Variants in FBXL20 observed in about 807,000 individuals in gnomAD.
FBXL20 encodes the protein F-box and leucine rich repeat protein 20.
A neutral mutation model predicts 64.0 loss-of-function variants in FBXL20; 11 were observed. The ratio of observed to expected loss-of-function variants is 0.17; its 90% CI spans 0.11 to 0.28. The LOEUF (loss-of-function observed/expected upper bound fraction) is 0.28. FBXL20 is among the 10% of genes least tolerant of loss of function. The probability of loss-of-function intolerance (pLI) is 1.00; values close to 1 mark genes in which losing one functional copy is unlikely to be tolerated. For synonymous variants in FBXL20, 184 were observed against 189.0 expected (o/e 0.97, Z 0.22); for missense variants, 303 against 526.2 (o/e 0.58, Z 4.15).
chr17:39,378,504 A>G (rs2047991812), intron 1 of FBXL20, among the ~76,000 whole-genome samples: 1 of 152,220 alleles, frequency 6.6e-6, no homozygotes. Flanking sequence ...AAGGAGATAG[A>G]CAAAGCCAAC....
chr17:39,393,702 G>C (rs1283680993), intron 1 of FBXL20, among the ~76,000 whole-genome samples: 1 of 151,988 alleles, frequency 6.6e-6, no homozygotes, highest in Non-Finnish European at 1.5e-5. Flanking sequence ...ACATGATTAG[G>C]GTATAAGTAG....
intron 1 of FBXL20, among the ~76,000 whole-genome samples, chr17:39,388,612 TA>T (rs2048105501): frequency 6.7e-6 from 1 of 150,276 alleles, no homozygotes; most frequent in African/African-American, 2.4e-5. Flanking sequence ...GCCTCCCGAG[TA>T]GCTGGGACAA....
chr17:39,347,903 T>C (rs957555046), intron 1 of FBXL20, among the ~76,000 whole-genome samples: 1 of 152,172 alleles, frequency 6.6e-6, no homozygotes, highest in African/African-American at 2.4e-5. Flanking sequence ...TTCAGCTTTC[T>C]ACATATGGCA....
intron 2 of FBXL20, among the ~76,000 whole-genome samples, chr17:39,327,660 T>TA (rs993764870): frequency 6.6e-6 from 1 of 151,970 alleles, no homozygotes; most frequent in Admixed American, 6.6e-5. Context: ...AAGGAGACTT[T>TA]AAAAAAAATA....
chr17:39,397,103 A>G (rs1035023353), intron 1 of FBXL20, among the ~76,000 whole-genome samples: 3 of 152,018 alleles, frequency 2.0e-5, no homozygotes, highest in African/African-American at 7.2e-5. Context: ...ACAGGGTTTC[A>G]CCATGTTGGC....
In FBXL20 at chr17:39,348,391, C is replaced by T. The variant is rs180834445; in HGVS notation, c.43-5150G>A. On this transcript the variant is annotated intron_variant, in intron 1 of 14. Transcript: ENST00000264658. ...CAGGAGAATCCCTTGAACCTGGGAG[C>T]GGAGGTTGCAGTGAGCCGAGATCAT... Among the ~76,000 whole-genome samples the T allele has an allele frequency of 2.9e-4, 44 of 151,538 alleles. No individual in the cohort carries two copies. In the East Asian group the frequency reaches 7.8e-3, roughly 27 times the overall value.
At chr17:39,350,531 A>C (rs1597813144) in intron 1 of FBXL20, among the ~76,000 whole-genome samples, 1 of 151,882 alleles carries the variant, frequency 6.6e-6, no homozygotes, top group African/African-American at 2.4e-5. Context: ...AAAAAAAAAA[A>C]AAAACATAGC....
chr17:39,317,689 GTTTTTTTTTTTGTTT>G (rs2047308322), intron 2 of FBXL20, among the ~76,000 whole-genome samples: 1 of 47,136 alleles, frequency 2.1e-5, no homozygotes, highest in South Asian at 4.3e-4. Flanking sequence ...TTTTTTTTTT[GTTTTTTTTTTTGTTT>G]TTTTTTTTTT....
At chr17:39,305,188 TAA>T (rs764317448) in intron 2 of FBXL20, among the ~76,000 whole-genome samples, 1 of 152,106 alleles carries the variant, frequency 6.6e-6, no homozygotes, top group Non-Finnish European at 1.5e-5. Flanking sequence ...AAATATAAAT[TAA>T]AAAAAGTTAG....
chr17:39,278,522 G>A (rs951952757), intron 9 of FBXL20, among the ~76,000 whole-genome samples: 1 of 148,842 alleles, frequency 6.7e-6, no homozygotes, highest in Admixed American at 6.8e-5. Flanking sequence ...AACTGTGGTT[G>A]ATCTCTCAGG....
intron 9 of FBXL20, among the ~76,000 whole-genome samples, chr17:39,276,465 T>C (rs576420342): frequency 1.3e-5 from 2 of 151,724 alleles, no homozygotes; most frequent in East Asian, 4.0e-4. Context: ...GGTCAGGAGT[T>C]GGAGACCAGC....
intron 2 of FBXL20, 44 bp downstream of exon 2, chr17:39,343,136 G>C (rs374654350): frequency 1.4e-6 from 2 of 1,433,660 alleles, no homozygotes; most frequent in Non-Finnish European, 1.9e-6. Context: ...AGGCAAATAT[G>C]ACATACACAT....
chr17:39,293,244 C>T (rs1401196162), intron 6 of FBXL20, among the ~76,000 whole-genome samples: 1 of 149,134 alleles, frequency 6.7e-6, no homozygotes, highest in Non-Finnish European at 1.5e-5. Context: ...TTTTTTGAGA[C>T]GGAGTCTCGC....
chr17:39,270,202 G>C (rs2046831486), intron 11 of FBXL20, among the ~76,000 whole-genome samples: 1 of 152,046 alleles, frequency 6.6e-6, no homozygotes, highest in Admixed American at 6.6e-5. Context: ...TTTTCACAAA[G>C]TACCAAGAAG....
At chr17:39,329,422 G>C (rs545587800) in intron 2 of FBXL20, among the ~76,000 whole-genome samples, 1 of 152,240 alleles carries the variant, frequency 6.6e-6, no homozygotes, top group South Asian at 2.1e-4. Flanking sequence ...CTGAGATACT[G>C]GCTGGAACTG....
At chr17:39,350,472 G>C (rs946790948) in intron 1 of FBXL20, among the ~76,000 whole-genome samples, 3 of 147,598 alleles carry the variant, frequency 2.0e-5, no homozygotes, top group African/African-American at 7.5e-5. Context: ...CTGGGCAACA[G>C]AGCTAGACTC....
rs927728205 is a variant in FBXL20 at position 39,258,268 on chromosome 17, C to G, written c.*3192G>C. The G allele has an allele frequency of 6.6e-6, 1 of 152,206 alleles. No homozygotes were observed. The highest frequency in any genetic ancestry group is 2.1e-4 in the South Asian group (1 of 4,832). The allele number at this position is 152,206 out of a possible 1,614,324, so 9.4% of individuals were successfully genotyped here. A position where few individuals can be genotyped will look rare whatever the true frequency, so the allele number is the denominator to read the frequency against. On this transcript the variant is annotated 3_prime_UTR_variant, in exon 15 of 15. Coordinates refer to ENST00000264658, the MANE Select transcript of FBXL20 (RefSeq NM_032875.3). ...ATGTTGAGAGAGGAAGCATTATGTT[C>G]AGATGTCAGGCTCCTTTCCACCTGA...
chr17:39,303,717 C>CAAA, intron 2 of FBXL20, 78 bp from the exon 3 acceptor site: 1 of 1,310,210 alleles, frequency 7.6e-7, no homozygotes, highest in Non-Finnish European at 1.1e-6. Flanking sequence ...GACAGGGTCT[C>CAAA]ACTCTGTCAG....
At chr17:39,329,985 G>T (rs917191777) in intron 2 of FBXL20, among the ~76,000 whole-genome samples, 1 of 152,042 alleles carries the variant, frequency 6.6e-6, no homozygotes, top group African/African-American at 2.4e-5. Flanking sequence ...ACACAGCAAG[G>T]CTCTGTCTCA....
Sources: gnomAD v4.1 joint callset for allele counts (sites outside exome capture counted in the v4.1 genomes callset) on GRCh38, gnomAD v4.1.1 for gene constraint, MANE v1.5 for transcripts, NCBI Gene and HGNC (gene_info 2026-07-23, HGNC 2026-07-21) for gene names.